Variants in MORN3 observed in about 807,000 individuals in gnomAD.
MORN3 encodes MORN repeat containing 3, also known as MORN repeat-containing protein 3.
A neutral mutation model predicts 34.7 loss-of-function variants in MORN3; 38 were observed. That is an observed-to-expected ratio of 1.10 (90% CI 0.85 to 1.44). The LOEUF is 1.44. Among genes scored for constraint, MORN3 ranks in the 40% most tolerant of loss-of-function variants. The pLI is 0.00. For synonymous variants in MORN3, 109 were observed against 115.3 expected, an observed-to-expected ratio of 0.95 and a Z score of 0.35; for missense variants, 311 against 321.7, an observed-to-expected ratio of 0.97 and a Z score of 0.25.
chr12:121,663,056 T>C (rs1425839595), intron 1 of MORN3, among the ~76,000 whole-genome samples: 2 of 152,122 alleles, frequency 1.3e-5, no homozygotes, highest in Admixed American at 6.6e-5. Flanking sequence ...ATTAATACTG[T>C]ATTGGTGTAT....
intron 1 of MORN3, among the ~76,000 whole-genome samples, chr12:121,666,191 T>TC (rs1051446091): frequency 2.3e-4 from 35 of 152,160 alleles, no homozygotes; most frequent in African/African-American, 7.9e-4. Flanking sequence ...TCTTTTTTTT[T>TC]CTTCCTTTTT....
intron 1 of MORN3, among the ~76,000 whole-genome samples, chr12:121,659,777 A>C (rs1457606041): frequency 6.6e-6 from 1 of 151,554 alleles, no homozygotes; most frequent in African/African-American, 2.4e-5. Flanking sequence ...TGATATGCCC[A>C]CCTCGGTCTC....
intron 3 of MORN3, 118 bp from the exon 4 acceptor site, chr12:121,653,377 G>T: frequency 9.6e-7 from 1 of 1,040,706 alleles, no homozygotes; most frequent in Non-Finnish European, 1.4e-6. Flanking sequence ...AAGATGGGAG[G>T]CTCATAAGCC....
intron 1 of MORN3, among the ~76,000 whole-genome samples, chr12:121,668,518 G>A (rs1893844440): frequency 6.6e-6 from 1 of 152,064 alleles, no homozygotes; most frequent in African/African-American, 2.4e-5. Context: ...TCCAGCGTGG[G>A]CAACAAGAGT....
Position 121,653,179 on chromosome 12 carries a change from G to C in MORN3, c.544C>G (p.Gln182Glu), listed in dbSNP as rs139184687. The C allele has an allele frequency of 5.7e-4, 914 of 1,614,172 alleles. 8 individuals carry two copies. In the African/African-American group the frequency reaches 0.011, roughly 19 times the overall value. Residue 182 changes from glutamine (Q) to glutamate (E), a missense_variant, in exon 4 of 6, where the codon CAG (glutamine) becomes GAG (glutamate). Coordinates refer to ENST00000355329, the MANE Select transcript of MORN3 (RefSeq NM_173855.5). ...AGRFFHLDHG[Q>E]LFEGFWVDNM... ...TCCACCCAGAAGCCTTCAAACAGCT[G>C]GCCGTGGTCCAGATGGAAGAAACGC...
chr12:121,653,064 G>A lies in MORN3; in HGVS notation c.648+11C>T, dbSNP rs782602352. 1.3e-6 allele frequency: 2 copies of A among 1,599,574 alleles called. No homozygotes were observed. Among genetic ancestry groups the A allele is most frequent in the Non-Finnish European group, 8.5e-7 (1 of 1,173,634 alleles). On this transcript the variant is annotated intron_variant, in intron 4 of 5. Coordinates refer to ENST00000355329, the MANE Select transcript of MORN3 (RefSeq NM_173855.5). ...GGGTGTGGCCACAGGGCCCTGGTGAGGGCTGCCCACCTCAGGAATGGGGAA... is the reference window on the plus strand; with the variant it reads ...GGGTGTGGCCACAGGGCCCTGGTGAAGGCTGCCCACCTCAGGAATGGGGAA...
At chr12:121,660,945 A>G (rs928428299) in intron 1 of MORN3, among the ~76,000 whole-genome samples, 7 of 152,036 alleles carry the variant, frequency 4.6e-5, no homozygotes, top group East Asian at 1.9e-4. Context: ...CTAGGATTAC[A>G]GGCGTGAGCC....
chr12:121,668,255 A>T (rs1156597984), intron 1 of MORN3, among the ~76,000 whole-genome samples: 2 of 150,864 alleles, frequency 1.3e-5, no homozygotes, highest in African/African-American at 4.9e-5. Flanking sequence ...AAGAGCACAG[A>T]ATTGGGCTGG....
intron 2 of MORN3, among the ~76,000 whole-genome samples, chr12:121,656,437 C>CCT (rs1171417893): frequency 7.2e-5 from 11 of 152,118 alleles, no homozygotes; most frequent in Non-Finnish European, 1.5e-4. Flanking sequence ...AATCCTCCTG[C>CCT]CTCAGCCTTT....
upstream of MORN3, among the ~76,000 whole-genome samples, chr12:121,671,342 C>A (rs1388996751): frequency 7.0e-6 from 1 of 142,776 alleles, no homozygotes; most frequent in Admixed American, 7.1e-5. Flanking sequence ...GGAGGCGGAG[C>A]TTGCAATGAG....
At chr12:121,652,995 T>C in intron 4 of MORN3, 80 bp downstream of exon 4, 2 of 1,498,640 alleles carry the variant, frequency 1.3e-6, no homozygotes, top group Non-Finnish European at 1.8e-6. Flanking sequence ...GCCTGGCAGA[T>C]CTGGCCTGGG....
rs144746358 is a variant in MORN3, at chr12:121,659,278, G to T, written c.216C>A (p.Asp72Glu). ...YEGDWKFGKR[D>E]GYGTLSLPDQ... is the part of the protein sequence containing the mutation. Reference sequence around the variant, plus strand: ...CAGGAAGGCTGAGGGTGCCGTAGCCGTCTCGCTTCCCAAACTTCCAGTCCC... The same window carrying T: ...CAGGAAGGCTGAGGGTGCCGTAGCCTTCTCGCTTCCCAAACTTCCAGTCCC... Residue 72 changes from aspartate (D) to glutamate (E), a missense_variant, in exon 2 of 6, where the codon GAC (aspartate) becomes GAA (glutamate). Transcript: ENST00000355329. The T allele has an allele frequency of 1.9e-6, 3 of 1,613,996 alleles. No homozygotes were observed. Among genetic ancestry groups the T allele is most frequent in the Non-Finnish European group, 2.5e-6 (3 of 1,179,994 alleles).
At chr12:121,668,231 A>G (rs1286453285) in intron 1 of MORN3, among the ~76,000 whole-genome samples, 1 of 151,494 alleles carries the variant, frequency 6.6e-6, no homozygotes, top group African/African-American at 2.4e-5. Context: ...GCAAGGCAGG[A>G]GAGCAGGATG....
At chr12:121,667,817 G>A (rs1431297512) in intron 1 of MORN3, among the ~76,000 whole-genome samples, 1 of 151,216 alleles carries the variant, frequency 6.6e-6, no homozygotes, top group Middle Eastern at 3.2e-3. Context: ...TCCGCCTCCT[G>A]GGTTCACGCC....
At position 121,655,447 on chromosome 12, in the gene MORN3, C is replaced by T. The variant is rs371081505; in HGVS notation, c.304-1014G>A. The stretch of plus-strand genomic sequence containing the variant: ...ATACTTAGCCTGGCGTGGTGGCTTA[C>T]GCCTATAATCCCAGCACTTTGGGAG... On this transcript the variant is annotated intron_variant, in intron 2 of 5. Transcript: ENST00000355329. Among the ~76,000 whole-genome samples the T allele has an allele frequency of 3.9e-5, 6 of 152,070 alleles. No individual in the cohort carries two copies. The South Asian group carries it at 8.3e-4, about 21-fold the overall frequency.
intron 3 of MORN3, among the ~76,000 whole-genome samples, chr12:121,653,760 C>T (rs1476884217): frequency 6.6e-6 from 1 of 152,168 alleles, no homozygotes; most frequent in Non-Finnish European, 1.5e-5. Flanking sequence ...CCCGCCTCTG[C>T]CTCCCAAAGT....
At chr12:121,654,500 C>T in intron 2 of MORN3, 67 bp from the exon 3 acceptor site, 2 of 1,487,836 alleles carry the variant, frequency 1.3e-6, no homozygotes, top group South Asian at 1.3e-5. Context: ...CACCGTCTTC[C>T]CAGGCACCCC....
At chr12:121,653,311 A>G in intron 3 of MORN3, 52 bp from the exon 4 acceptor site, 1 of 1,567,334 alleles carries the variant, frequency 6.4e-7, no homozygotes, top group Non-Finnish European at 8.6e-7. Flanking sequence ...ACTAAGCTAG[A>G]CCCCCAGGGG....
chr12:121,657,599 G>T (rs990863773), intron 2 of MORN3, among the ~76,000 whole-genome samples: 3 of 152,032 alleles, frequency 2.0e-5, no homozygotes, highest in African/African-American at 4.8e-5. Flanking sequence ...CAGGCGCGGT[G>T]GCTCATGCCC....
Sources: gnomAD v4.1 joint callset for allele counts (sites outside exome capture counted in the v4.1 genomes callset) on GRCh38, gnomAD v4.1.1 for gene constraint, MANE v1.5 for transcripts, NCBI Gene and HGNC (gene_info 2026-07-23, HGNC 2026-07-21) for gene names.